The following ROBO2 variants were observed in gnomAD, a reference collection of about 807,000 sequenced individuals.
ROBO2 encodes roundabout homolog 2.
Under a neutral mutation model 160.8 loss-of-function variants are expected in ROBO2, and 53 were observed. That is an observed-to-expected ratio of 0.33 (90% CI 0.26 to 0.41). The LOEUF is 0.41. Among genes scored for constraint, ROBO2 ranks in the 10% least tolerant of loss-of-function variants. The probability of loss-of-function intolerance (pLI) is 1.00; values close to 1 mark genes in which losing one functional copy is unlikely to be tolerated. For synonymous variants in ROBO2, 664 were observed against 611.7 expected, an observed-to-expected ratio of 1.09 and a Z score of -1.26; for missense variants, 1,577 against 1,722.4, an observed-to-expected ratio of 0.92 and a Z score of 1.49.
intron 1 of ROBO2, among the ~76,000 whole-genome samples, chr3:77,090,244 G>GA (rs996883467): frequency 2.8e-5 from 4 of 141,694 alleles, no homozygotes; most frequent in Admixed American, 7.4e-5. Flanking sequence ...TGCAGAAGGA[G>GA]AAAAAAATAC....
chr3:76,091,833 A>G (rs2069249721), intron 2 of ROBO2, among the ~76,000 whole-genome samples: 1 of 152,208 alleles, frequency 6.6e-6, no homozygotes, highest in Non-Finnish European at 1.5e-5. Flanking sequence ...AAAAGGCTGC[A>G]TACTGTATAA....
At chr3:76,513,456 A>T (rs1016729893) in intron 2 of ROBO2, among the ~76,000 whole-genome samples, 1 of 152,120 alleles carries the variant, frequency 6.6e-6, no homozygotes, top group Admixed American at 6.5e-5. Context: ...TCCTGGGTTC[A>T]AGCGATTCTC....
At chr3:77,155,277 C>T (rs530185331) in intron 2 of ROBO2, among the ~76,000 whole-genome samples, 3 of 152,072 alleles carry the variant, frequency 2.0e-5, no homozygotes, top group Admixed American at 1.3e-4. Context: ...TAAAGTTGCT[C>T]ATCATCTGAC....
intron 2 of ROBO2, among the ~76,000 whole-genome samples, chr3:76,231,600 T>G (rs1704625196): frequency 6.6e-6 from 1 of 152,230 alleles, no homozygotes; most frequent in Non-Finnish European, 1.5e-5. Flanking sequence ...GGTGTTTTTC[T>G]CTACGTCCTT....
At chr3:77,414,714 AGT>A (rs1442335364) in intron 2 of ROBO2, among the ~76,000 whole-genome samples, 1 of 152,218 alleles carries the variant, frequency 6.6e-6, no homozygotes, top group Non-Finnish European at 1.5e-5. Context: ...TGGTCTTTGT[AGT>A]GTGCAGTCCA....
intron 2 of ROBO2, among the ~76,000 whole-genome samples, chr3:76,468,079 A>T (rs909457426): frequency 1.3e-5 from 2 of 152,114 alleles, no homozygotes; most frequent in African/African-American, 4.8e-5. Context: ...TCTGTGTTAA[A>T]AATCATCATT....
chr3:77,429,779 T>C (rs2078589514), intron 2 of ROBO2, among the ~76,000 whole-genome samples: 1 of 152,010 alleles, frequency 6.6e-6, no homozygotes, highest in Non-Finnish European at 1.5e-5. Context: ...TGATCACAGA[T>C]TGTGATCAGT....
intron 23 of ROBO2, chr3:77,631,696 C>A (rs1041878258): frequency 6.6e-6 from 1 of 151,884 alleles, no homozygotes; most frequent in African/African-American, 2.4e-5. Flanking sequence ...GCTCTTTAAA[C>A]GTAAAATTAA....
intron 2 of ROBO2, among the ~76,000 whole-genome samples, chr3:77,316,170 G>A (rs569328316): frequency 1.3e-5 from 2 of 152,230 alleles, no homozygotes; most frequent in Non-Finnish European, 2.9e-5. Flanking sequence ...CACAATACAG[G>A]AAGGAATAAG....
intron 2 of ROBO2, among the ~76,000 whole-genome samples, chr3:76,998,018 G>C (rs1257908577): frequency 1.3e-5 from 2 of 152,104 alleles, no homozygotes; most frequent in Admixed American, 1.3e-4. Context: ...CATGGGCTCA[G>C]AACAGTTCAA....
chr3:76,994,975 G>A (rs932706219), intron 2 of ROBO2, among the ~76,000 whole-genome samples: 3 of 151,464 alleles, frequency 2.0e-5, no homozygotes, highest in Admixed American at 2.0e-4. Context: ...TATACTTTAA[G>A]TTCTAGGGTA....
chr3:76,617,492 T>C (rs1287044906), intron 2 of ROBO2, among the ~76,000 whole-genome samples: 1 of 152,202 alleles, frequency 6.6e-6, no homozygotes, highest in Admixed American at 6.5e-5. Flanking sequence ...ACTGTTACAA[T>C]GGTATTAAGA....
intron 24 of ROBO2, among the ~76,000 whole-genome samples, chr3:77,635,439 T>A (rs1029216617): frequency 1.3e-5 from 2 of 152,206 alleles, no homozygotes; most frequent in Admixed American, 6.5e-5. Flanking sequence ...AAAAGACTTT[T>A]GAAATGATTT....
chr3:77,639,744 C>T (rs998458875), intron 24 of ROBO2, among the ~76,000 whole-genome samples: 3 of 151,908 alleles, frequency 2.0e-5, no homozygotes, highest in South Asian at 2.1e-4. Context: ...AACCACTGGA[C>T]GGGGTGTGTA....
chr3:77,009,859 T>G (rs1248567485), intron 2 of ROBO2, among the ~76,000 whole-genome samples: 1 of 146,084 alleles, frequency 6.8e-6, no homozygotes, highest in Non-Finnish European at 1.5e-5. Flanking sequence ...GGCAGGAGAA[T>G]CACTTGAACC....
intron 2 of ROBO2, among the ~76,000 whole-genome samples, chr3:76,771,729 A>C (rs2061917448): frequency 6.6e-6 from 1 of 151,314 alleles, no homozygotes; most frequent in African/African-American, 2.4e-5. Context: ...ATTTTTATAA[A>C]TATTTTAAAA....
chr3:76,199,324 A>G (rs1702409929), intron 2 of ROBO2, among the ~76,000 whole-genome samples: 1 of 152,142 alleles, frequency 6.6e-6, no homozygotes, highest in Non-Finnish European at 1.5e-5. Flanking sequence ...AATAGCTCTC[A>G]GTTGACAGCC....
chr3:76,858,411 C>T (rs992697751), intron 2 of ROBO2, among the ~76,000 whole-genome samples: 1 of 152,038 alleles, frequency 6.6e-6, no homozygotes, highest in African/African-American at 2.4e-5. Flanking sequence ...TACAAGGCAC[C>T]CGCCACCACA....
intron 2 of ROBO2, among the ~76,000 whole-genome samples, chr3:77,434,138 T>C (rs894089617): frequency 7.9e-5 from 12 of 152,104 alleles, no homozygotes; most frequent in Non-Finnish European, 1.6e-4. Context: ...CTGCATTATC[T>C]CTTCACAGCT....
Sources: gnomAD v4.1 joint callset for allele counts (sites outside exome capture counted in the v4.1 genomes callset) on GRCh38, gnomAD v4.1.1 for gene constraint, MANE v1.5 for transcripts, NCBI Gene and HGNC (gene_info 2026-07-23, HGNC 2026-07-21) for gene names.